The following SNTG1 variants were observed in gnomAD, a reference collection of about 807,000 sequenced individuals.
SNTG1 encodes the protein syntrophin gamma 1.
A neutral mutation model predicts 74.7 loss-of-function variants in SNTG1; 39 were observed. The observed-to-expected ratio is 0.52, with a 90% CI of 0.40 to 0.68. SNTG1 has a LOEUF of 0.68. Among genes scored for constraint, SNTG1 ranks in the 30% least tolerant of loss-of-function variants. SNTG1 has a pLI of 0.00. For synonymous variants in SNTG1, 254 were observed against 217.1 expected, an observed-to-expected ratio of 1.17 and a Z score of -1.49; for missense variants, 685 against 609.5, an observed-to-expected ratio of 1.12 and a Z score of -1.30.
At chr8:50,380,758 G>T (rs944883405) in intron 2 of SNTG1, among the ~76,000 whole-genome samples, 1 of 152,088 alleles carries the variant, frequency 6.6e-6, no homozygotes, top group Non-Finnish European at 1.5e-5. Context: ...CCAGGTTTTG[G>T]TTGCAAAGAT....
At chr8:50,071,746 G>A (rs1163344768) in intron 1 of SNTG1, among the ~76,000 whole-genome samples, 2 of 151,546 alleles carry the variant, frequency 1.3e-5, no homozygotes, top group Non-Finnish European at 2.9e-5. Flanking sequence ...CCAAAGTGCT[G>A]GGGTTACAGG....
At chr8:50,109,587 G>A (rs575083501) in intron 1 of SNTG1, among the ~76,000 whole-genome samples, 1 of 152,260 alleles carries the variant, frequency 6.6e-6, no homozygotes, top group Admixed American at 6.5e-5. Flanking sequence ...TTAATGAATA[G>A]AATACCCTAC....
chr8:50,295,441 G>A (rs1045464988), intron 2 of SNTG1, among the ~76,000 whole-genome samples: 1 of 152,098 alleles, frequency 6.6e-6, no homozygotes, highest in East Asian at 1.9e-4. Flanking sequence ...AAAAAGATAG[G>A]TAAATTATTT....
intron 4 of SNTG1, among the ~76,000 whole-genome samples, chr8:50,411,476 CA>C (rs148341471): frequency 0.019 from 2,751 of 144,052 alleles, 87 homozygotes; most frequent in African/African-American, 0.065. Context: ...GACTCCATCT[CA>C]AAAAAAAAAT....
chr8:50,056,820 GC>G (rs1254284476), intron 1 of SNTG1, among the ~76,000 whole-genome samples: 1 of 152,084 alleles, frequency 6.6e-6, no homozygotes, highest in African/African-American at 2.4e-5. Context: ...ATTGGGGATT[GC>G]TGGAACAGCA....
chr8:50,380,443 C>G (rs2092461555), intron 2 of SNTG1, among the ~76,000 whole-genome samples: 1 of 152,154 alleles, frequency 6.6e-6, no homozygotes, highest in African/African-American at 2.4e-5. Context: ...AGAGCAAACT[C>G]TATAAATAGA....
At position 50,418,836 on chromosome 8, in the gene SNTG1, C is replaced by G. The variant is rs565087342; in HGVS notation, c.162+16492C>G. ...GCATTAGGCAGAATCCCTGGAATCT[C>G]TCATTACTCTACTCTTTCATTGAAG... On this transcript the variant is annotated intron_variant, in intron 4 of 18. Transcript: ENST00000642720. Among the ~76,000 whole-genome samples the G allele has an allele frequency of 2.6e-5, 4 of 152,212 alleles. No individual in the cohort carries two copies. In the East Asian group the frequency reaches 7.7e-4, roughly 29 times the overall value.
intron 3 of SNTG1, 76 bp from the exon 4 acceptor site, chr8:50,402,134 G>A (rs1186211934): frequency 2.7e-5 from 39 of 1,461,066 alleles, no homozygotes; most frequent in Non-Finnish European, 2.9e-5. Context: ...ATGTTTTGCT[G>A]TAAACTGGCC....
chr8:50,495,768 T>C (rs1225541376), intron 8 of SNTG1, among the ~76,000 whole-genome samples: 1 of 152,146 alleles, frequency 6.6e-6, no homozygotes, highest in African/African-American at 2.4e-5. Flanking sequence ...GTTGTGAATG[T>C]ATATACCTGC....
chr8:50,687,877 G>A (rs1426694476), intron 15 of SNTG1, among the ~76,000 whole-genome samples: 1 of 152,122 alleles, frequency 6.6e-6, no homozygotes, highest in Non-Finnish European at 1.5e-5. Context: ...CACCAATGGT[G>A]TAAAAGTGTT....
chr8:49,930,873 T>C (rs1385227147), intron 1 of SNTG1, among the ~76,000 whole-genome samples: 3 of 152,080 alleles, frequency 2.0e-5, no homozygotes, highest in Non-Finnish European at 4.4e-5. Flanking sequence ...AATTAAAAAA[T>C]AAACTTTGTT....
intron 15 of SNTG1, among the ~76,000 whole-genome samples, chr8:50,673,763 A>G (rs1475230528): frequency 6.6e-6 from 1 of 152,172 alleles, no homozygotes; most frequent in African/African-American, 2.4e-5. Context: ...CCGGTATTCA[A>G]AGGGAATGCT....
chr8:50,575,787 CAT>C (rs985940998), intron 12 of SNTG1: 6 of 152,188 alleles, frequency 3.9e-5, no homozygotes, highest in African/African-American at 1.2e-4. Flanking sequence ...ATGTGAATCT[CAT>C]AGACTATTTC....
rs530225951 is a variant in SNTG1, at chr8:50,092,391, C to T, written c.-102-80170C>T. 2.5e-3 allele frequency among the ~76,000 whole-genome samples: 374 copies of T among 152,202 alleles called. 1 individual carries two copies. Among genetic ancestry groups the T allele is most frequent in the African/African-American group, 6.5e-3 (271 of 41,530 alleles). ...TCTTCCTTTAGGAAGGCCGTGTTTC[C>T]GTACTCTGAAGTCTACAGATGTGTT... On this transcript the variant is annotated intron_variant, in intron 1 of 18. Coordinates refer to ENST00000642720, the MANE Select transcript of SNTG1 (RefSeq NM_018967.5).
intron 2 of SNTG1, among the ~76,000 whole-genome samples, chr8:50,384,626 C>T (rs2092544774): frequency 6.6e-6 from 1 of 152,054 alleles, no homozygotes; most frequent in African/African-American, 2.4e-5. Context: ...ACCATGTTGG[C>T]CTTGGTGAGT....
At chr8:50,151,381 T>A (rs1250504155) in intron 1 of SNTG1, among the ~76,000 whole-genome samples, 1 of 152,220 alleles carries the variant, frequency 6.6e-6, no homozygotes, top group Non-Finnish European at 1.5e-5. Flanking sequence ...TTCACTGATT[T>A]TTTTAAAGGC....
intron 8 of SNTG1, among the ~76,000 whole-genome samples, chr8:50,467,773 G>A (rs974291555): frequency 6.6e-6 from 1 of 151,722 alleles, no homozygotes; most frequent in African/African-American, 2.4e-5. Flanking sequence ...GCATTCAATG[G>A]TTTAAATTTA....
intron 2 of SNTG1, among the ~76,000 whole-genome samples, chr8:50,329,850 C>T (rs989694882): frequency 7.2e-5 from 11 of 152,016 alleles, no homozygotes; most frequent in African/African-American, 2.7e-4. Flanking sequence ...TGCAAATTTT[C>T]CAAACTTTTA....
intron 2 of SNTG1, among the ~76,000 whole-genome samples, chr8:50,275,890 C>T (rs1300883879): frequency 6.6e-6 from 1 of 152,138 alleles, no homozygotes; most frequent in Non-Finnish European, 1.5e-5. Context: ...GAAAAGATAA[C>T]TTGTTTCTCT....
Sources: allele counts gnomAD v4.1 joint callset (sites outside exome capture counted in the v4.1 genomes callset), GRCh38; gene constraint gnomAD v4.1.1; transcripts MANE v1.5; gene names NCBI Gene and HGNC (gene_info 2026-07-23, HGNC 2026-07-21).